Variants in ZFAND3 observed in about 807,000 individuals in gnomAD.
The protein encoded by ZFAND3 is zinc finger AN1-type containing 3, also known as AN1-type zinc finger protein 3.
Under a neutral mutation model 29.6 loss-of-function variants are expected in ZFAND3, and 10 were observed. The ratio of observed to expected loss-of-function variants is 0.34; its 90% CI spans 0.21 to 0.57. The LOEUF (loss-of-function observed/expected upper bound fraction) is 0.57. Among genes scored for constraint, ZFAND3 ranks in the 20% least tolerant of loss-of-function variants. The pLI is 0.86. For missense variants in ZFAND3, 230 were observed against 304.5 expected (o/e 0.76, Z 1.82); for synonymous variants, 128 against 112.6 (o/e 1.14, Z -0.87).
chr6:38,006,579 A>G (rs1763052890), intron 2 of ZFAND3, among the ~76,000 whole-genome samples: 1 of 151,996 alleles, frequency 6.6e-6, no homozygotes, highest in Non-Finnish European at 1.5e-5. Context: ...AGGGTGTACA[A>G]AACTCATCTA....
intron 2 of ZFAND3, among the ~76,000 whole-genome samples, chr6:37,977,828 T>TTTTCTTCCTTCCTTCC (rs70981515): frequency 0.079 from 6,032 of 76,358 alleles, 1,141 homozygotes; most frequent in South Asian, 0.12. Context: ...GTAAAATGCT[T>TTTTCTTCCTTCCTTCC]TTCCTTCCTT....
intron 5 of ZFAND3, among the ~76,000 whole-genome samples, chr6:38,120,922 ATCAT>A (rs1344443871): frequency 2.6e-5 from 4 of 152,352 alleles, no homozygotes; most frequent in African/African-American, 9.6e-5. Flanking sequence ...TTGCTGCCTT[ATCAT>A]TCACTGTCAA....
chr6:37,912,500 CAT>C (rs2127405527), intron 1 of ZFAND3, among the ~76,000 whole-genome samples: 1 of 152,252 alleles, frequency 6.6e-6, no homozygotes, highest in South Asian at 2.1e-4. Context: ...TTGTACTACA[CAT>C]GATAGTACAA....
chr6:37,828,741 C>T (rs775199675), intron 1 of ZFAND3, among the ~76,000 whole-genome samples: 7 of 152,004 alleles, frequency 4.6e-5, no homozygotes, highest in Admixed American at 1.3e-4. Flanking sequence ...CTCTGCCTCC[C>T]GGATTCAAGC....
intron 1 of ZFAND3, among the ~76,000 whole-genome samples, chr6:37,837,052 C>G (rs970293414): frequency 4.6e-5 from 7 of 152,134 alleles, no homozygotes; most frequent in Non-Finnish European, 8.8e-5. Context: ...GATACTAATA[C>G]TCAGATTCCA....
chr6:37,988,889 A>C (rs536591258), intron 2 of ZFAND3, among the ~76,000 whole-genome samples: 2 of 151,900 alleles, frequency 1.3e-5, no homozygotes, highest in African/African-American at 4.8e-5. Flanking sequence ...AGTTTTATTC[A>C]TTCCACAAAT....
Position 37,883,056 on chromosome 6 carries a change from A to C in ZFAND3, c.72-46903A>C, listed in dbSNP as rs146803607. On this transcript the variant is annotated intron_variant, in intron 1 of 5. Coordinates refer to ENST00000287218, the MANE Select transcript of ZFAND3 (RefSeq NM_021943.3). ...CAACATAGTGAGACCCCTTCTCTACAAAAAAATTTAAAAACAATTAGCTCG... is the reference window on the plus strand; with the variant it reads ...CAACATAGTGAGACCCCTTCTCTACCAAAAAATTTAAAAACAATTAGCTCG... 7.9e-5 allele frequency among the ~76,000 whole-genome samples: 12 copies of C among 152,154 alleles called. 1 individual carries two copies. The East Asian group carries it at 2.1e-3, about 27-fold the overall frequency.
chr6:38,044,109 A>G (rs1282789859), intron 2 of ZFAND3, among the ~76,000 whole-genome samples: 1 of 152,226 alleles, frequency 6.6e-6, no homozygotes, highest in Non-Finnish European at 1.5e-5. Flanking sequence ...CATCTCAACA[A>G]AAACTAATCC....
At chr6:38,127,047 A>G (rs1045350069) in intron 5 of ZFAND3, among the ~76,000 whole-genome samples, 2 of 152,112 alleles carry the variant, frequency 1.3e-5, no homozygotes, top group Non-Finnish European at 2.9e-5. Context: ...TGATCATGTC[A>G]TCTGCAAATA....
At chr6:37,833,343 A>G (rs1226756592) in intron 1 of ZFAND3, among the ~76,000 whole-genome samples, 1 of 152,176 alleles carries the variant, frequency 6.6e-6, no homozygotes, top group East Asian at 1.9e-4. Context: ...CCGGCCCCCA[A>G]GAATCCCTCT....
intron 2 of ZFAND3, among the ~76,000 whole-genome samples, chr6:37,979,773 A>G (rs1412581698): frequency 6.6e-6 from 1 of 152,168 alleles, no homozygotes; most frequent in Non-Finnish European, 1.5e-5. Context: ...CTCCTGATAT[A>G]TAACTCTTCC....
intron 5 of ZFAND3, among the ~76,000 whole-genome samples, chr6:38,144,227 A>ATTTT (rs1766051946): frequency 2.5e-5 from 2 of 80,136 alleles, no homozygotes; most frequent in East Asian, 3.6e-4. Flanking sequence ...TAATATATAT[A>ATTTT]TATATTTTTT....
chr6:38,111,529 C>T (rs1765315957), intron 4 of ZFAND3, among the ~76,000 whole-genome samples: 1 of 152,214 alleles, frequency 6.6e-6, no homozygotes, highest in Non-Finnish European at 1.5e-5. Flanking sequence ...CAGCCCCCCA[C>T]TCCTCCTTCG....
chr6:37,920,464 A>G lies in ZFAND3; in HGVS notation c.72-9495A>G, dbSNP rs150597033. The stretch of plus-strand genomic sequence containing the variant: ...AACTTTCAGTAATATATACAGGGCC[A>G]CAGATGATAATGGGACTAGTTTTAC... On this transcript the variant is annotated intron_variant, in intron 1 of 5. Coordinates refer to ENST00000287218, the MANE Select transcript of ZFAND3 (RefSeq NM_021943.3). 3.1e-3 allele frequency among the ~76,000 whole-genome samples: 472 copies of G among 152,272 alleles called. 7 individuals are homozygous for G. Among genetic ancestry groups the G allele is most frequent in the Non-Finnish European group, 5.7e-4 (39 of 68,016 alleles).
At chr6:37,869,844 T>G (rs74725169) in intron 1 of ZFAND3, among the ~76,000 whole-genome samples, 1 of 151,924 alleles carries the variant, frequency 6.6e-6, no homozygotes, top group Non-Finnish European at 1.5e-5. Context: ...AAAAAAAAAT[T>G]AACTCTTGCC....
chr6:37,819,856 CGA>C lies in ZFAND3; in HGVS notation c.-89_-88del. The C allele has an allele frequency of 3.0e-6, 3 of 998,086 alleles. No individual in the cohort carries two copies. Among genetic ancestry groups the C allele is most frequent in the Non-Finnish European group, 3.7e-6 (3 of 804,828 alleles). 61.8% of individuals were successfully genotyped at this position (998,086 alleles called of 1,614,324 possible). A position where few individuals can be genotyped will look rare whatever the true frequency, so the allele number is the denominator to read the frequency against. ...CCCCCTCCCCCCGCCCCGAGCCCCC[CGA>C]CGCCGCCGCCACCGCCTCCTCAGAG... is the stretch of plus-strand genomic sequence containing the variant. On this transcript the variant is annotated 5_prime_UTR_variant, in exon 1 of 6. Transcript: ENST00000287218.
At chr6:37,912,346 A>G (rs1437746313) in intron 1 of ZFAND3, among the ~76,000 whole-genome samples, 1 of 152,170 alleles carries the variant, frequency 6.6e-6, no homozygotes, top group Non-Finnish European at 1.5e-5. Flanking sequence ...TAGGTGGCTC[A>G]ATAGAAAACT....
At chr6:38,103,563 C>T (rs1274291466) in intron 4 of ZFAND3, among the ~76,000 whole-genome samples, 10 of 134,920 alleles carry the variant, frequency 7.4e-5, no homozygotes, top group East Asian at 2.0e-4. Context: ...ACACACTTCA[C>T]GGACTTCTCA....
At chr6:38,106,220 C>G (rs528050231) in intron 4 of ZFAND3, among the ~76,000 whole-genome samples, 1 of 151,634 alleles carries the variant, frequency 6.6e-6, no homozygotes, top group South Asian at 2.1e-4. Context: ...GGTGCAATCT[C>G]GGGCTCACTG....
Sources: gnomAD v4.1 joint callset for allele counts (sites outside exome capture counted in the v4.1 genomes callset) on GRCh38, gnomAD v4.1.1 for gene constraint, MANE v1.5 for transcripts, NCBI Gene and HGNC (gene_info 2026-07-23, HGNC 2026-07-21) for gene names.